The following CAB39L variants were observed in gnomAD, a reference collection of about 807,000 sequenced individuals.
CAB39L encodes calcium-binding protein 39-like.
CAB39L carries 23 observed loss-of-function variants against 39.1 expected under a neutral mutation model. The observed-to-expected ratio is 0.59, with a 90% CI of 0.42 to 0.83. The LOEUF (loss-of-function observed/expected upper bound fraction) is 0.83. Ranked by LOEUF, CAB39L falls within the 40% of genes least tolerant of loss-of-function variation. CAB39L has a pLI of 0.00. For synonymous variants in CAB39L, 126 were observed against 137.2 expected (o/e 0.92, Z 0.57); for missense variants, 366 against 391.9 (o/e 0.93, Z 0.56).
In CAB39L at chr13:49,339,727, C is replaced by T; in HGVS notation, c.640G>A (p.Glu214Lys). 6.3e-7 allele frequency: 1 copy of T among 1,582,550 alleles called. No homozygotes were observed. The change falls in exon 9 of 11, where the codon GAG becomes AAG. Residue 214 changes from glutamate (E) to lysine (K), a missense_variant. Physicochemically the swap from Glu to Lys is moderately conservative, Grantham distance 56. Coordinates refer to ENST00000409308, the MANE Select transcript of CAB39L (RefSeq NM_001079670.3). ...TAATTCTCAGACTGAAGCAATTTCT[C>T]ATAGTCTTCAAAAATCTAATGAAAA... is the stretch of plus-strand genomic sequence containing the variant. ...QNYDTIFEDY[E>K]KLLQSENYVT...
At chr13:49,337,863 GTTTA>G (rs1954891607) in intron 9 of CAB39L, among the ~76,000 whole-genome samples, 1 of 151,498 alleles carries the variant, frequency 6.6e-6, no homozygotes, top group African/African-American at 2.4e-5. Flanking sequence ...GTATTTATTT[GTTTA>G]TTTGTCTATT....
chr13:49,412,191 G>A (rs971620292), intron 3 of CAB39L, among the ~76,000 whole-genome samples: 3 of 152,036 alleles, frequency 2.0e-5, no homozygotes, highest in South Asian at 2.1e-4. Flanking sequence ...AGGTGAGGGT[G>A]TTGTTTTTTG....
intron 3 of CAB39L, among the ~76,000 whole-genome samples, chr13:49,399,474 G>A (rs1462003279): frequency 6.6e-6 from 1 of 151,978 alleles, no homozygotes; most frequent in South Asian, 2.1e-4. Context: ...TTCGTCATTG[G>A]AATTGACTTT....
At chr13:49,352,903 A>G (rs1310854856) in intron 6 of CAB39L, among the ~76,000 whole-genome samples, 2 of 152,228 alleles carry the variant, frequency 1.3e-5, no homozygotes, top group Non-Finnish European at 2.9e-5. Context: ...TTGAACAATA[A>G]GTAATGTACT....
At chr13:49,361,499 A>G (rs12873234) in intron 5 of CAB39L, among the ~76,000 whole-genome samples, 26 of 145,676 alleles carry the variant, frequency 1.8e-4, no homozygotes, top group Admixed American at 4.2e-4. Context: ...AAAAAAAAAA[A>G]AGAGACAGAA....
At position 49,309,591 on chromosome 13, in the gene CAB39L, T is replaced by C. The variant is rs1953930408; in HGVS notation, c.*1223A>G. The C allele has an allele frequency of 6.6e-6, 1 of 152,248 alleles. No individual in the cohort carries two copies. The allele number at this position is 152,248 out of a possible 1,614,324, so 9.4% of individuals were successfully genotyped here. A position where few individuals can be genotyped will look rare whatever the true frequency, so the allele number is the denominator to read the frequency against. ...TTAAAATCCCGTTTTAGATGGTTGA[T>C]GTCTGAAACGAAACCACGGCCTTTT... On this transcript the variant is annotated 3_prime_UTR_variant, in exon 11 of 11. Transcript: ENST00000409308.
intron 5 of CAB39L, among the ~76,000 whole-genome samples, chr13:49,372,893 T>G: frequency 6.6e-6 from 1 of 152,180 alleles, no homozygotes; most frequent in East Asian, 1.9e-4. Context: ...TAGGATGGTC[T>G]CGATCTCCTG....
At chr13:49,439,526 G>T (rs1050373008) in intron 1 of CAB39L, among the ~76,000 whole-genome samples, 1 of 152,156 alleles carries the variant, frequency 6.6e-6, no homozygotes, top group African/African-American at 2.4e-5. Context: ...CCACATCTTT[G>T]CTATTGTGAC....
intron 3 of CAB39L, among the ~76,000 whole-genome samples, chr13:49,391,303 A>G (rs1179700445): frequency 6.6e-6 from 1 of 152,200 alleles, no homozygotes; most frequent in Non-Finnish European, 1.5e-5. Context: ...AAGGACAAAG[A>G]TGGTGAAGGA....
chr13:49,360,183 T>C (rs921952119), intron 5 of CAB39L, among the ~76,000 whole-genome samples: 4 of 152,198 alleles, frequency 2.6e-5, no homozygotes, highest in African/African-American at 7.2e-5. Context: ...ATGATTATCA[T>C]TTTTAAACCT....
chr13:49,415,051 G>C (rs1488188166), intron 3 of CAB39L, among the ~76,000 whole-genome samples: 1 of 151,260 alleles, frequency 6.6e-6, no homozygotes, highest in Non-Finnish European at 1.5e-5. Context: ...CAAAAAGTTA[G>C]CTGGGTGTGG....
At chr13:49,322,015 C>T (rs142759482) in intron 10 of CAB39L, among the ~76,000 whole-genome samples, 6 of 152,264 alleles carry the variant, frequency 3.9e-5, no homozygotes, top group African/African-American at 1.2e-4. Context: ...ATATAGTTGA[C>T]TCATTTAAAG....
chr13:49,397,907 T>C (rs1956676699), intron 3 of CAB39L, among the ~76,000 whole-genome samples: 1 of 152,148 alleles, frequency 6.6e-6, no homozygotes, highest in African/African-American at 2.4e-5. Flanking sequence ...GTTTTCATTC[T>C]TTCTTGTAAG....
intron 7 of CAB39L, among the ~76,000 whole-genome samples, chr13:49,346,097 C>CATATA (rs1955153477): frequency 4.6e-4 from 4 of 8,694 alleles, no homozygotes; most frequent in South Asian, 4.5e-3. Context: ...TATATATATG[C>CATATA]TAGATATATA....
chr13:49,435,832 T>C (rs929336536), intron 1 of CAB39L, among the ~76,000 whole-genome samples: 4 of 152,194 alleles, frequency 2.6e-5, no homozygotes, highest in Middle Eastern at 3.2e-3. Flanking sequence ...GTCATGTGCA[T>C]TTCTTTTTCA....
chr13:49,375,675 T>C (rs147917442), intron 5 of CAB39L, among the ~76,000 whole-genome samples: 113 of 151,542 alleles, frequency 7.5e-4, no homozygotes, highest in African/African-American at 2.6e-3. Context: ...AGGGATAGCA[T>C]AAGGAGATAT....
intron 10 of CAB39L, among the ~76,000 whole-genome samples, chr13:49,330,677 T>A (rs1017584272): frequency 6.7e-6 from 1 of 149,904 alleles, no homozygotes; most frequent in Non-Finnish European, 1.5e-5. Context: ...ATATTTATTT[T>A]TTTATTTATT....
chr13:49,339,033 C>T (rs928100985), intron 9 of CAB39L, among the ~76,000 whole-genome samples: 1 of 151,204 alleles, frequency 6.6e-6, no homozygotes, highest in East Asian at 1.9e-4. Flanking sequence ...TAGTAAAAAG[C>T]TATTTTATAC....
At chr13:49,328,050 T>C (rs1954553245) in intron 10 of CAB39L, among the ~76,000 whole-genome samples, 1 of 152,248 alleles carries the variant, frequency 6.6e-6, no homozygotes, top group Admixed American at 6.5e-5. Context: ...TCCAAGCACC[T>C]ATCAACGACT....
Sources: gnomAD v4.1 joint callset for allele counts (sites outside exome capture counted in the v4.1 genomes callset) on GRCh38, gnomAD v4.1.1 for gene constraint, MANE v1.5 for transcripts, NCBI Gene and HGNC (gene_info 2026-07-23, HGNC 2026-07-21) for gene names.